SLC22A25: variants seen among roughly 807,000 people sequenced by gnomAD.
The protein encoded by SLC22A25 is solute carrier family 22 member 25.
A neutral mutation model predicts 45.9 loss-of-function variants in SLC22A25; 44 were observed. The observed-to-expected ratio is 0.96, with a 90% CI of 0.75 to 1.23. SLC22A25 has a LOEUF of 1.23. Among genes scored for constraint, SLC22A25 ranks in the 50% most tolerant of loss-of-function variants. The pLI is 0.00. For synonymous variants in SLC22A25, 283 were observed against 238.6 expected, an observed-to-expected ratio of 1.19 and a Z score of -1.72; for missense variants, 800 against 666.4, an observed-to-expected ratio of 1.20 and a Z score of -2.21.
chr11:63,221,698 A>T (rs12418081), intron 5 of SLC22A25, among the ~76,000 whole-genome samples: 55,705 of 151,908 alleles, frequency 0.37, 10,517 homozygotes, highest in East Asian at 0.56. Flanking sequence ...TGAAGAAATC[A>T]TTGCCCAGTC....
chr11:63,208,007 T>C (rs2089454170), intron 7 of SLC22A25: 1 of 152,192 alleles, frequency 6.6e-6, no homozygotes, highest in African/African-American at 2.4e-5. Flanking sequence ...CACACCTAAA[T>C]AATAACTATC....
intron 7 of SLC22A25, among the ~76,000 whole-genome samples, chr11:63,185,143 T>C (rs2088478262): frequency 6.6e-6 from 1 of 152,140 alleles, no homozygotes; most frequent in African/African-American, 2.4e-5. Context: ...TTTTATTTTA[T>C]TTTTTTATTA....
At chr11:63,198,694 G>A (rs1407563965) in intron 7 of SLC22A25, among the ~76,000 whole-genome samples, 1 of 152,020 alleles carries the variant, frequency 6.6e-6, no homozygotes, top group African/African-American at 2.4e-5. Flanking sequence ...TTGTGCACAT[G>A]TACCCTAGTA....
intron 7 of SLC22A25, among the ~76,000 whole-genome samples, chr11:63,190,768 C>G (rs2088778350): frequency 6.6e-6 from 1 of 152,152 alleles, no homozygotes; most frequent in Admixed American, 6.5e-5. Flanking sequence ...TTCTAACAGT[C>G]AGGACCTTCA....
At position 63,163,626 on chromosome 11, in the gene SLC22A25, C is replaced by G. The variant is rs1240715072; in HGVS notation, c.*198G>C. On this transcript the variant is annotated 3_prime_UTR_variant, in exon 12 of 12. Coordinates refer to ENST00000306494, the MANE Select transcript of SLC22A25 (RefSeq NM_199352.6). ...AGGTCACCTAATTTTGGTCTTTTCA[C>G]CACAAATTAACCTCCTGGACAGGCT... The G allele has an allele frequency of 2.7e-6, 2 of 744,970 alleles. No individual in the cohort carries two copies. Among genetic ancestry groups the G allele is most frequent in the East Asian group, 5.7e-5 (2 of 35,104 alleles). 46.1% of individuals were successfully genotyped at this position (744,970 alleles called of 1,614,324 possible). A position where few individuals can be genotyped will look rare whatever the true frequency, so the allele number is the denominator to read the frequency against.
chr11:63,193,408 C>A (rs955625777), intron 7 of SLC22A25, among the ~76,000 whole-genome samples: 3 of 152,232 alleles, frequency 2.0e-5, no homozygotes, highest in Non-Finnish European at 4.4e-5. Context: ...ACACCTCATA[C>A]AACTGGGTGC....
Position 63,217,440 on chromosome 11 carries a change from G to T in SLC22A25, c.704C>A (p.Thr235Lys), listed in dbSNP as rs752917649. ...ITHQFCAMAL[T>K]LTLCAASIGH... ...AATACTAGCAGCACAAAGTGTCAATGTCAATGCCATGGCACAGAATTGGTG... is the reference window on the plus strand; with the variant it reads ...AATACTAGCAGCACAAAGTGTCAATTTCAATGCCATGGCACAGAATTGGTG... Residue 235 changes from threonine (T) to lysine (K), a missense_variant, in exon 7 of 12, where the codon ACA (threonine) becomes AAA (lysine). Coordinates refer to ENST00000306494, the MANE Select transcript of SLC22A25 (RefSeq NM_199352.6). 38 of 1,613,946 alleles carry T rather than the reference G, an allele frequency of 2.4e-5. No homozygotes were observed.
intron 9 of SLC22A25, among the ~76,000 whole-genome samples, chr11:63,173,431 C>G (rs547721990): frequency 6.6e-6 from 1 of 152,100 alleles, no homozygotes; most frequent in Admixed American, 6.6e-5. Context: ...ATTCAACATA[C>G]ATTTGTATCT....
intron 7 of SLC22A25, among the ~76,000 whole-genome samples, chr11:63,185,328 C>T (rs1423141639): frequency 6.6e-6 from 1 of 151,794 alleles, no homozygotes; most frequent in African/African-American, 2.4e-5. Flanking sequence ...TGATGTTCCC[C>T]TTCCTGTGTC....
intron 7 of SLC22A25, among the ~76,000 whole-genome samples, chr11:63,190,907 A>T (rs1310893201): frequency 6.6e-6 from 1 of 152,106 alleles, no homozygotes; most frequent in Non-Finnish European, 1.5e-5. Context: ...TTCCTCTGGA[A>T]GTTTTGTCTC....
chr11:63,185,300 A>T (rs1198240067), intron 7 of SLC22A25, among the ~76,000 whole-genome samples: 1 of 151,346 alleles, frequency 6.6e-6, no homozygotes, highest in East Asian at 2.0e-4. Context: ...CCCTCACCCC[A>T]CAACAGGCCC....
chr11:63,207,966 A>G (rs958193094), intron 7 of SLC22A25, among the ~76,000 whole-genome samples: 2 of 152,156 alleles, frequency 1.3e-5, no homozygotes, highest in East Asian at 1.9e-4. Context: ...TTCAGGGCTC[A>G]GTCCTTTGGA....
chr11:63,183,631 A>G (rs564670733), intron 8 of SLC22A25, 63 bp downstream of exon 8: 38 of 1,604,520 alleles, frequency 2.4e-5, no homozygotes, highest in Non-Finnish European at 3.0e-5. Context: ...TATGAACACC[A>G]ACAAGTATAG....
chr11:63,174,116 T>C (rs1390980770), intron 9 of SLC22A25, among the ~76,000 whole-genome samples: 1 of 152,130 alleles, frequency 6.6e-6, no homozygotes, highest in East Asian at 1.9e-4. Flanking sequence ...GTGTTCTCAT[T>C]GTTCAACTCC....
chr11:63,194,375 G>A (rs2088926270), intron 7 of SLC22A25, among the ~76,000 whole-genome samples: 1 of 152,052 alleles, frequency 6.6e-6, no homozygotes, highest in African/African-American at 2.4e-5. Context: ...ATTCACCAAA[G>A]TTGAAGGAAA....
At chr11:63,195,073 A>G (rs2088968227) in intron 7 of SLC22A25, among the ~76,000 whole-genome samples, 1 of 152,054 alleles carries the variant, frequency 6.6e-6, no homozygotes. Context: ...ATATATATGC[A>G]CCCAATACAA....
intron 7 of SLC22A25, among the ~76,000 whole-genome samples, chr11:63,191,853 G>A (rs961480026): frequency 1.1e-4 from 17 of 152,200 alleles, no homozygotes; most frequent in Non-Finnish European, 1.6e-4. Flanking sequence ...ACTGACTGAT[G>A]TACCTGAAAG....
chr11:63,181,805 T>C (rs1405374320), intron 8 of SLC22A25, among the ~76,000 whole-genome samples: 3 of 152,130 alleles, frequency 2.0e-5, no homozygotes, highest in Non-Finnish European at 2.9e-5. Context: ...AATTCTGGGA[T>C]GAAGTGTTAG....
chr11:63,196,513 T>C (rs1361676010), intron 7 of SLC22A25, among the ~76,000 whole-genome samples: 1 of 152,190 alleles, frequency 6.6e-6, no homozygotes, highest in Non-Finnish European at 1.5e-5. Context: ...ACCACATGAT[T>C]ATCTCAATAG....
Sources: gnomAD v4.1 joint callset for allele counts (sites outside exome capture counted in the v4.1 genomes callset) on GRCh38, gnomAD v4.1.1 for gene constraint, MANE v1.5 for transcripts, NCBI Gene and HGNC (gene_info 2026-07-23, HGNC 2026-07-21) for gene names.